The following ARID3A variants were observed in gnomAD, a reference collection of about 807,000 sequenced individuals.
The protein encoded by ARID3A is AT-rich interaction domain 3A.
A neutral mutation model predicts 52.7 loss-of-function variants in ARID3A; 11 were observed. The observed-to-expected ratio is 0.21, with a 90% confidence interval of 0.13 to 0.35. The LOEUF is 0.35. ARID3A is among the 10% of genes least tolerant of loss of function. The probability of loss-of-function intolerance (pLI) is 1.00; values close to 1 mark genes in which losing one functional copy is unlikely to be tolerated. For missense variants in ARID3A, 721 were observed against 838.5 expected (o/e 0.86, Z 1.73); for synonymous variants, 404 against 359.4 (o/e 1.12, Z -1.40).
At chr19:931,770 G>A (rs1322513759) in intron 2 of ARID3A, among the ~76,000 whole-genome samples, 4 of 150,400 alleles carry the variant, frequency 2.7e-5, no homozygotes, top group Non-Finnish European at 5.9e-5. Context: ...CCGAGATTGC[G>A]CCGTTGCACT....
chr19:936,773 A>G (rs1158978546), intron 3 of ARID3A, among the ~76,000 whole-genome samples: 1 of 152,078 alleles, frequency 6.6e-6, no homozygotes, highest in Non-Finnish European at 1.5e-5. Flanking sequence ...ACTCAGAAGC[A>G]GAGGTTACAG....
At chr19:927,313 T>C in intron 1 of ARID3A, among the ~76,000 whole-genome samples, 1 of 100,470 alleles carries the variant, frequency 1.0e-5, no homozygotes, top group East Asian at 2.8e-4. Context: ...AAAGGGCTCT[T>C]GGGGGGAGGG....
chr19:941,962 C>T lies in ARID3A; in HGVS notation c.693+9220C>T, dbSNP rs990001018. ...GAGCATTTGGGAGCCTCGTGCTGGA[C>T]CCTGAAGCATGAGGTCGCGGTGGGG... On this transcript the variant is annotated intron_variant, in intron 3 of 8. Transcript: ENST00000263620. The surrounding 1 kb of genome is among the most constrained non-coding windows in gnomAD (Gnocchi z 6.9). 4.6e-5 allele frequency among the ~76,000 whole-genome samples: 7 copies of T among 152,144 alleles called. No individual in the cohort carries two copies. Among genetic ancestry groups the T allele is most frequent in the Non-Finnish European group, 1.5e-5 (1 of 68,018 alleles).
In ARID3A at chr19:974,980, C is replaced by A. The variant is rs1196662910; in HGVS notation, c.*2915C>A. The A allele has an allele frequency of 4.3e-6, 1 of 232,474 alleles. No homozygotes were observed. The highest frequency in any genetic ancestry group is 1.8e-4 in the South Asian group (1 of 5,520). The allele number at this position is 232,474 out of a possible 1,614,324, so 14.4% of individuals were successfully genotyped here. On this transcript the variant is annotated 3_prime_UTR_variant, in exon 9 of 9. Transcript: ENST00000263620. Reference sequence around the variant, plus strand: ...AGGCGGTTGCAGAGGGTCTATGGGGCCCGGTCCTGGATACTCGGCAGGAAG... The same window carrying A: ...AGGCGGTTGCAGAGGGTCTATGGGGACCGGTCCTGGATACTCGGCAGGAAG...
rs1044415237 is a variant in ARID3A at position 941,098 on chromosome 19, C to T, written c.693+8356C>T. 9.2e-5 allele frequency among the ~76,000 whole-genome samples: 14 copies of T among 152,160 alleles called. No individual in the cohort carries two copies. Among genetic ancestry groups the T allele is most frequent in the South Asian group, 6.2e-4 (3 of 4,838 alleles). On this transcript the variant is annotated intron_variant, in intron 3 of 8. Coordinates refer to ENST00000263620, the MANE Select transcript of ARID3A (RefSeq NM_005224.3). The surrounding 1 kb of genome is among the most constrained non-coding windows in gnomAD (Gnocchi z 6.9). ...CCCACGCCCACCGCCGGCGTCCCAC[C>T]CTGGTGGCTGCTGCCAAGCGCCGGC...
At chr19:955,651 G>A (rs2037901301) in intron 3 of ARID3A, among the ~76,000 whole-genome samples, 2 of 152,168 alleles carry the variant, frequency 1.3e-5, no homozygotes. Context: ...CTATTTGAGA[G>A]ATGGGGAAAC....
intron 3 of ARID3A, among the ~76,000 whole-genome samples, chr19:943,591 G>T: frequency 6.6e-6 from 1 of 151,984 alleles, no homozygotes; most frequent in Non-Finnish European, 1.5e-5. Context: ...AAAGAAAAAA[G>T]AGAAATTTGG....
At chr19:949,687 T>C (rs1037507083) in intron 3 of ARID3A, among the ~76,000 whole-genome samples, 4 of 148,984 alleles carry the variant, frequency 2.7e-5, no homozygotes, top group African/African-American at 9.9e-5. Context: ...TTTTTTTTTT[T>C]TTTTTTTGAG....
chr19:927,102 G>A (rs2037216780), intron 1 of ARID3A, among the ~76,000 whole-genome samples: 1 of 151,712 alleles, frequency 6.6e-6, no homozygotes, highest in Non-Finnish European at 1.5e-5. Flanking sequence ...CCGCGGGCCC[G>A]GGGCCTTGCA....
intron 8 of ARID3A, among the ~76,000 whole-genome samples, chr19:970,677 G>C (rs1032701515): frequency 6.6e-6 from 1 of 151,928 alleles, no homozygotes; most frequent in African/African-American, 2.4e-5. Context: ...GTTTCACCAT[G>C]TTGGTCAGGC....
intron 3 of ARID3A, among the ~76,000 whole-genome samples, chr19:954,061 G>A (rs1438546823): frequency 6.6e-6 from 1 of 152,116 alleles, no homozygotes; most frequent in Non-Finnish European, 1.5e-5. Context: ...CCCTAAATAG[G>A]GCAGCTCAAG....
chr19:971,591 G>A (rs576839907), intron 8 of ARID3A, among the ~76,000 whole-genome samples: 12 of 152,172 alleles, frequency 7.9e-5, no homozygotes, highest in African/African-American at 1.7e-4. Flanking sequence ...TCCAGCCTGC[G>A]CGACAGAGCG....
At position 973,391 on chromosome 19, in the gene ARID3A, G is replaced by A. The variant is rs1054090701; in HGVS notation, c.*1326G>A. The A allele has an allele frequency of 9.1e-5, 17 of 187,722 alleles. No individual in the cohort carries two copies. Among genetic ancestry groups the A allele is most frequent in the South Asian group, 2.0e-4 (1 of 5,102 alleles). The allele number at this position is 187,722 out of a possible 1,614,324, so 11.6% of individuals were successfully genotyped here. On this transcript the variant is annotated 3_prime_UTR_variant, in exon 9 of 9. Coordinates refer to ENST00000263620, the MANE Select transcript of ARID3A (RefSeq NM_005224.3). Reference sequence around the variant, plus strand: ...GGCCTCCCAAAGTGCTGGGATTACAGGCATGAGCCGCCACGCTGGCCCGGT... The same window carrying A: ...GGCCTCCCAAAGTGCTGGGATTACAAGCATGAGCCGCCACGCTGGCCCGGT...
intron 3 of ARID3A, among the ~76,000 whole-genome samples, chr19:953,583 G>A (rs1009002789): frequency 6.6e-6 from 1 of 152,140 alleles, no homozygotes; most frequent in Non-Finnish European, 1.5e-5. Context: ...AACGGGGCTC[G>A]GGCGTGCAAC....
Position 975,544 on chromosome 19 carries a change from G to C in ARID3A, c.*3479G>C, listed in dbSNP as rs1455896640. Reference sequence around the variant, plus strand: ...GACGTGTGAAATTTCAGTTTCTCTGGAGTTTGTCAGACGGCGTGGGAACCA... The same window carrying C: ...GACGTGTGAAATTTCAGTTTCTCTGCAGTTTGTCAGACGGCGTGGGAACCA... On this transcript the variant is annotated 3_prime_UTR_variant, in exon 9 of 9. Transcript: ENST00000263620. 1 of 213,518 alleles carries C rather than the reference G, an allele frequency of 4.7e-6. No individual in the cohort carries two copies. The highest frequency in any genetic ancestry group is 5.8e-5 in the Admixed American group (1 of 17,122). 13.2% of individuals were successfully genotyped at this position (213,518 alleles called of 1,614,324 possible).
At position 927,920 on chromosome 19, in the gene ARID3A, G is replaced by A. The variant is rs577924700; in HGVS notation, c.-267-1342G>A. 9.8e-5 allele frequency among the ~76,000 whole-genome samples: 11 copies of A among 111,942 alleles called. No individual in the cohort carries two copies. In the South Asian group the frequency reaches 2.7e-3, roughly 28 times the overall value. The allele number at this position is 111,942 out of a possible 152,430, so 73.4% of individuals were successfully genotyped here. A position where few individuals can be genotyped will look rare whatever the true frequency, so the allele number is the denominator to read the frequency against. On this transcript the variant is annotated intron_variant, in intron 1 of 8. Transcript: ENST00000263620. ...GCCCCCCACTGCCTTTTCACCCATGGGGCCGAAAGACTCAGGGGTCTGGGT... is the reference window on the plus strand; with the variant it reads ...GCCCCCCACTGCCTTTTCACCCATGAGGCCGAAAGACTCAGGGGTCTGGGT...
chr19:933,801 C>T (rs951517498), intron 3 of ARID3A, among the ~76,000 whole-genome samples: 14 of 138,848 alleles, frequency 1.0e-4, no homozygotes, highest in Admixed American at 4.1e-4. Context: ...AGCTGAAAGC[C>T]GGACACGGTG....
chr19:962,939 G>A (rs994782318), intron 4 of ARID3A, among the ~76,000 whole-genome samples: 1 of 152,198 alleles, frequency 6.6e-6, no homozygotes, highest in African/African-American at 2.4e-5. Flanking sequence ...GGCTCCTCTC[G>A]CCCAGGCTGT....
Position 973,104 on chromosome 19 carries a change from A to ATTTTTTTTTTTTTTTTTTTTTTGTTTTTT in ARID3A, c.*1060_*1061insTGTTTTTTTTTTTTTTTTTTTTTTTTTTT, listed in dbSNP as rs56404084. 1.9e-5 allele frequency: 1 copy of ATTTTTTTTTTTTTTTTTTTTTTGTTTTTT among 53,488 alleles called. No homozygotes were observed. Among genetic ancestry groups the ATTTTTTTTTTTTTTTTTTTTTTGTTTTTT allele is most frequent in the Non-Finnish European group, 3.4e-5 (1 of 29,006 alleles). The allele number at this position is 53,488 out of a possible 1,614,324, so 3.3% of individuals were successfully genotyped here. A position where few individuals can be genotyped will look rare whatever the true frequency, so the allele number is the denominator to read the frequency against. ...GGGCTCTCGAGTCAGGGGCCTGGAAATTTTTTTTTTTTTTTTTTTTTGAGA... is the reference window on the plus strand; with the variant it reads ...GGGCTCTCGAGTCAGGGGCCTGGAAATTTTTTTTTTTTTTTTTTTTTTGTTTTTTTTTTTTTTTTTTTTTTTTTTTGAGA... On this transcript the variant is annotated 3_prime_UTR_variant, in exon 9 of 9. Transcript: ENST00000263620.
Sources: allele counts gnomAD v4.1 joint callset (sites outside exome capture counted in the v4.1 genomes callset), GRCh38; gene constraint gnomAD v4.1.1; non-coding constraint Gnocchi (gnomAD v3.1); transcripts MANE v1.5; gene names NCBI Gene and HGNC (gene_info 2026-07-23, HGNC 2026-07-21).